Variants in TXNDC8 observed in about 807,000 individuals in gnomAD.
The protein encoded by TXNDC8 is thioredoxin domain containing 8, also known as thioredoxin domain-containing protein 8.
A neutral mutation model predicts 12.9 loss-of-function variants in TXNDC8; 15 were observed. The observed-to-expected ratio is 1.16, with a 90% CI of 0.78 to 1.79. The LOEUF (loss-of-function observed/expected upper bound fraction) is 1.79, where lower values mean the gene tolerates loss of function less well. Among genes scored for constraint, TXNDC8 ranks in the 40% most tolerant of loss-of-function variants. TXNDC8 has a pLI of 0.00. For synonymous variants in TXNDC8, 40 were observed against 35.4 expected (o/e 1.13, Z -0.46); for missense variants, 128 against 113.2 (o/e 1.13, Z -0.59).
chr9:110,308,712 T>C (rs960300858), intron 3 of TXNDC8, among the ~76,000 whole-genome samples: 3 of 152,162 alleles, frequency 2.0e-5, no homozygotes, highest in African/African-American at 4.8e-5. Context: ...TTCTACCACG[T>C]ACCTCCTTCC....
chr9:110,302,967 G>T (rs964341221), downstream of TXNDC8, among the ~76,000 whole-genome samples: 1 of 152,158 alleles, frequency 6.6e-6, no homozygotes, highest in Non-Finnish European at 1.5e-5. Context: ...AGGTGGCTGA[G>T]GTGGGAGAAT....
intron 2 of TXNDC8, among the ~76,000 whole-genome samples, chr9:110,332,501 G>A (rs1839584245): frequency 6.6e-6 from 1 of 152,174 alleles, no homozygotes; most frequent in Non-Finnish European, 1.5e-5. Flanking sequence ...CTGTGACTGA[G>A]GCTCAGGTGG....
At chr9:110,337,196 G>A (rs114318377) in intron 1 of TXNDC8, among the ~76,000 whole-genome samples, 418 of 152,218 alleles carry the variant, frequency 2.7e-3, no homozygotes, top group African/African-American at 9.3e-3. Flanking sequence ...CTTGTAATGA[G>A]GGCAGGCATC....
chr9:110,321,724 G>GA (rs60564039), intron 3 of TXNDC8, among the ~76,000 whole-genome samples: 10,794 of 141,600 alleles, frequency 0.076, 618 homozygotes, highest in African/African-American at 0.15. Flanking sequence ...TCAGTTCTAT[G>GA]AAAAAAAAAA....
intron 3 of TXNDC8, among the ~76,000 whole-genome samples, chr9:110,311,641 C>CTA (rs1199661034): frequency 1.9e-4 from 22 of 118,812 alleles, no homozygotes; most frequent in African/African-American, 5.7e-4. Context: ...TATCTCCATA[C>CTA]TATATATATA....
intron 1 of TXNDC8, 92 bp from the exon 2 acceptor site, chr9:110,334,412 G>C: frequency 8.1e-7 from 1 of 1,236,246 alleles, no homozygotes. Flanking sequence ...TTTTGGTTTT[G>C]TTTTTGGTTT....
At chr9:110,304,764 G>A (rs772510164) in intron 3 of TXNDC8, among the ~76,000 whole-genome samples, 2 of 152,172 alleles carry the variant, frequency 1.3e-5, no homozygotes, top group African/African-American at 2.4e-5. Flanking sequence ...AGATAAGAAC[G>A]TCTGGTGGAA....
At chr9:110,331,014 C>T (rs1839524636) in intron 2 of TXNDC8, among the ~76,000 whole-genome samples, 2 of 152,106 alleles carry the variant, frequency 1.3e-5, no homozygotes, top group South Asian at 4.1e-4. Context: ...CTTTCCCTCT[C>T]TTGAATAATG....
intron 3 of TXNDC8, chr9:110,324,053 A>G: frequency 1.0e-5 from 16 of 1,537,562 alleles, no homozygotes; most frequent in Non-Finnish European, 1.4e-5. Flanking sequence ...CCTTGGAGGA[A>G]AATCAGAGTA....
At chr9:110,336,239 C>T (rs984648792) in intron 1 of TXNDC8, among the ~76,000 whole-genome samples, 3 of 152,204 alleles carry the variant, frequency 2.0e-5, no homozygotes, top group Non-Finnish European at 4.4e-5. Context: ...ACTAATACAA[C>T]ATGCCTGCTC....
rs1162284556 is a variant in TXNDC8 at position 110,303,492 on chromosome 9, C to T, written c.*190G>A. ...CATTTGCTCTTGCCTTTTCAAATGT[C>T]ACAAGTGTATTTTGCCTTGGAGATC... On this transcript the variant is annotated 3_prime_UTR_variant, in exon 5 of 5. Transcript: ENST00000423740. 6.6e-7 allele frequency: 1 copy of T among 1,517,670 alleles called. No individual in the cohort carries two copies. The highest frequency in any genetic ancestry group is 8.9e-7 in the Non-Finnish European group (1 of 1,125,524). The allele number at this position is 1,517,670 out of a possible 1,614,324, so 94.0% of individuals were successfully genotyped here. A position where few individuals can be genotyped will look rare whatever the true frequency, so the allele number is the denominator to read the frequency against.
chr9:110,336,632 AAAAAC>A (rs1016107910), intron 1 of TXNDC8, among the ~76,000 whole-genome samples: 6 of 152,110 alleles, frequency 3.9e-5, no homozygotes, highest in African/African-American at 7.3e-5. Flanking sequence ...CACTGTGGAC[AAAAAC>A]AAAACAAAAC....
chr9:110,311,580 A>AT (rs1487620667), intron 3 of TXNDC8, among the ~76,000 whole-genome samples: 232 of 125,438 alleles, frequency 1.8e-3, no homozygotes, highest in African/African-American at 7.0e-3. Context: ...ATATATATGG[A>AT]TTACTATATT....
chr9:110,304,077 T>C (rs566962126), intron 4 of TXNDC8, among the ~76,000 whole-genome samples: 1 of 152,330 alleles, frequency 6.6e-6, no homozygotes, highest in East Asian at 1.9e-4. Context: ...CATTTCATAG[T>C]GGATGGTATG....
intron 3 of TXNDC8, 77 bp from the exon 5 acceptor site, chr9:110,304,609 T>C (rs376507842): frequency 5.9e-6 from 8 of 1,365,974 alleles, no homozygotes; most frequent in African/African-American, 5.8e-5. Context: ...CTGGTTCTTT[T>C]GGCCTTGGCC....
At position 110,326,205 on chromosome 9, in the gene TXNDC8, G is replaced by A. The variant is rs138724232; in HGVS notation, c.165C>T (p.Pro55=). 4 of 1,613,996 alleles carry A rather than the reference G, an allele frequency of 2.5e-6. No individual in the cohort carries two copies. The highest frequency in any genetic ancestry group is 4.5e-5 in the East Asian group (2 of 44,856). The change falls in exon 3 of 5, where the codon CCC becomes CCT. Residue 55 remains proline (P), a synonymous_variant. Coordinates refer to ENST00000423740, the MANE Select transcript of TXNDC8 (RefSeq NM_001286946.2). ...GGCTTTTCTTGAACATCTGAAATGTGGGTATTGTTTTGATGTGACAAGTTT... is the reference window on the plus strand; with the variant it reads ...GGCTTTTCTTGAACATCTGAAATGTAGGTATTGTTTTGATGTGACAAGTTT...
intron 3 of TXNDC8, among the ~76,000 whole-genome samples, chr9:110,306,379 T>C (rs1005587598): frequency 2.0e-5 from 3 of 152,230 alleles, no homozygotes; most frequent in Non-Finnish European, 4.4e-5. Flanking sequence ...TCTTTCGGTC[T>C]CCAGTCTTGT....
chr9:110,312,623 C>T (rs182781340), intron 3 of TXNDC8, among the ~76,000 whole-genome samples: 41 of 152,284 alleles, frequency 2.7e-4, no homozygotes, highest in African/African-American at 9.6e-4. Context: ...ATCTGAGATT[C>T]TTTCTATGGA....
chr9:110,321,923 C>T (rs1413374080), intron 3 of TXNDC8, among the ~76,000 whole-genome samples: 5 of 152,224 alleles, frequency 3.3e-5, no homozygotes, highest in Middle Eastern at 3.4e-3. Context: ...CAGTGCTGCT[C>T]AGATACCAAA....
Sources: allele counts gnomAD v4.1 joint callset (sites outside exome capture counted in the v4.1 genomes callset), GRCh38; gene constraint gnomAD v4.1.1; transcripts MANE v1.5; gene names NCBI Gene and HGNC (gene_info 2026-07-23, HGNC 2026-07-21).